LSAMP: variants seen among roughly 807,000 people sequenced by gnomAD.
LSAMP encodes the protein limbic system-associated membrane protein.
Under a neutral mutation model 38.6 loss-of-function variants are expected in LSAMP, and 7 were observed. The ratio of observed to expected loss-of-function variants is 0.18; its 90% CI spans 0.10 to 0.34. The LOEUF is 0.34. Ranked by LOEUF, LSAMP falls within the 10% of genes least tolerant of loss-of-function variation. LSAMP has a pLI of 1.00. For synonymous variants in LSAMP, 154 were observed against 166.8 expected (o/e 0.92, Z 0.59); for missense variants, 313 against 420.0 (o/e 0.75, Z 2.23).
chr3:116,329,284 C>T (rs969607301), intron 1 of LSAMP, among the ~76,000 whole-genome samples: 5 of 152,060 alleles, frequency 3.3e-5, no homozygotes, highest in Admixed American at 2.0e-4. Flanking sequence ...CAGAGAGTCA[C>T]CCAAGGCAGC....
intron 1 of LSAMP, among the ~76,000 whole-genome samples, chr3:116,223,852 A>G (rs1298410327): frequency 6.6e-6 from 1 of 152,198 alleles, no homozygotes; most frequent in Non-Finnish European, 1.5e-5. Context: ...CTTTATGCAT[A>G]CAAACTATAT....
intron 1 of LSAMP, among the ~76,000 whole-genome samples, chr3:116,300,492 C>T (rs535417085): frequency 8.5e-5 from 13 of 152,286 alleles, no homozygotes; most frequent in African/African-American, 2.9e-4. Flanking sequence ...TGGTCTGTGC[C>T]CTGTTAGGAA....
intron 1 of LSAMP, among the ~76,000 whole-genome samples, chr3:116,419,336 C>T (rs1427066714): frequency 6.6e-6 from 1 of 152,088 alleles, no homozygotes; most frequent in Non-Finnish European, 1.5e-5. Context: ...TTTTTTTAAT[C>T]CCCTGAATGT....
chr3:116,352,136 T>C (rs2048149274), intron 1 of LSAMP, among the ~76,000 whole-genome samples: 1 of 152,070 alleles, frequency 6.6e-6, no homozygotes, highest in African/African-American at 2.4e-5. Context: ...GTTCCACTTC[T>C]TATAAAATGA....
intron 3 of LSAMP, among the ~76,000 whole-genome samples, chr3:116,007,915 G>A (rs1041575854): frequency 6.6e-6 from 1 of 152,134 alleles, no homozygotes; most frequent in Admixed American, 6.5e-5. Context: ...GGTCTGGTGT[G>A]GAGTCTGATA....
At chr3:115,934,835 T>C (rs1202172258) in intron 3 of LSAMP, among the ~76,000 whole-genome samples, 1 of 152,188 alleles carries the variant, frequency 6.6e-6, no homozygotes, top group Non-Finnish European at 1.5e-5. Flanking sequence ...GAAAAGTTCT[T>C]AGGCATATTA....
intron 2 of LSAMP, among the ~76,000 whole-genome samples, chr3:116,044,863 C>T (rs1297462967): frequency 6.6e-6 from 1 of 152,108 alleles, no homozygotes; most frequent in Non-Finnish European, 1.5e-5. Context: ...CTTTCTGTGT[C>T]TCCACTTCCT....
intron 3 of LSAMP, among the ~76,000 whole-genome samples, chr3:115,938,102 T>C (rs943018217): frequency 6.6e-6 from 1 of 152,144 alleles, no homozygotes; most frequent in Admixed American, 6.6e-5. Flanking sequence ...TAACAATAGA[T>C]AAAAACACTG....
At chr3:116,236,565 T>C (rs967532599) in intron 1 of LSAMP, among the ~76,000 whole-genome samples, 2 of 152,126 alleles carry the variant, frequency 1.3e-5, no homozygotes, top group Non-Finnish European at 2.9e-5. Context: ...GAACCATGGC[T>C]TCTTTATAGC....
chr3:115,853,739 T>G (rs1262815924), intron 3 of LSAMP, among the ~76,000 whole-genome samples: 1 of 152,120 alleles, frequency 6.6e-6, no homozygotes, highest in African/African-American at 2.4e-5. Flanking sequence ...CAACTCTAGC[T>G]AAACTGAACC....
At chr3:115,868,546 T>C (rs922510987) in intron 3 of LSAMP, among the ~76,000 whole-genome samples, 5 of 152,038 alleles carry the variant, frequency 3.3e-5, no homozygotes, top group Non-Finnish European at 5.9e-5. Flanking sequence ...CTGACTGAAC[T>C]TGGATTTTCA....
chr3:115,833,603 G>T (rs75825342), intron 6 of LSAMP, among the ~76,000 whole-genome samples: 8,595 of 152,082 alleles, frequency 0.057, 300 homozygotes, highest in African/African-American at 0.091. Flanking sequence ...TTTATAGTTT[G>T]GACAAATGTT....
chr3:116,436,355 T>C (rs1355803854), intron 1 of LSAMP, among the ~76,000 whole-genome samples: 1 of 152,150 alleles, frequency 6.6e-6, no homozygotes, highest in African/African-American at 2.4e-5. Flanking sequence ...AGCTGGGACC[T>C]AATTAAGCCA....
At chr3:116,051,943 A>ATTAT (rs1941404235) in intron 2 of LSAMP, among the ~76,000 whole-genome samples, 3 of 152,222 alleles carry the variant, frequency 2.0e-5, no homozygotes, top group Non-Finnish European at 2.9e-5. Flanking sequence ...ACTTCTTTGT[A>ATTAT]TCCTGTATTA....
At chr3:116,198,981 G>A (rs530843969) in intron 1 of LSAMP, among the ~76,000 whole-genome samples, 132 of 152,162 alleles carry the variant, frequency 8.7e-4, no homozygotes, top group Non-Finnish European at 1.6e-3. Context: ...CTACTCAGGA[G>A]GCTATGGCAG....
intron 3 of LSAMP, among the ~76,000 whole-genome samples, chr3:115,925,581 T>C (rs1005374803): frequency 1.3e-5 from 2 of 152,312 alleles, no homozygotes; most frequent in South Asian, 4.1e-4. Flanking sequence ...TGTATAACAA[T>C]AAAATTATTT....
intron 1 of LSAMP, among the ~76,000 whole-genome samples, chr3:116,296,661 C>T (rs867710541): frequency 7.8e-6 from 1 of 128,334 alleles, no homozygotes; most frequent in East Asian, 2.4e-4. Flanking sequence ...CGCCACTGCA[C>T]GCCAGCCTGG....
At chr3:116,342,236 T>C (rs2048005462) in intron 1 of LSAMP, among the ~76,000 whole-genome samples, 1 of 152,004 alleles carries the variant, frequency 6.6e-6, no homozygotes, top group African/African-American at 2.4e-5. Flanking sequence ...AACAATTGCA[T>C]TTTGTGTACT....
intron 4 of LSAMP, among the ~76,000 whole-genome samples, chr3:115,846,573 T>G (rs1243485721): frequency 6.6e-6 from 1 of 152,166 alleles, no homozygotes. Flanking sequence ...ATTAACCCCA[T>G]TTTATGAAAG....
Sources: allele counts gnomAD v4.1 joint callset (sites outside exome capture counted in the v4.1 genomes callset), GRCh38; gene constraint gnomAD v4.1.1; transcripts MANE v1.5; gene names NCBI Gene and HGNC (gene_info 2026-07-23, HGNC 2026-07-21).